The following ZDHHC20 variants were observed in gnomAD, a reference collection of about 807,000 sequenced individuals.
ZDHHC20 encodes the protein palmitoyltransferase ZDHHC20.
In ZDHHC20, 43 loss-of-function variants were observed where a neutral mutation model predicts 57.8. That is an observed-to-expected ratio of 0.74 (90% CI 0.58 to 0.96). The LOEUF is 0.96. ZDHHC20 is among the 40% of genes least tolerant of loss of function. The pLI is 0.00. For synonymous variants in ZDHHC20, 157 were observed against 153.0 expected (o/e 1.03, Z -0.19); for missense variants, 391 against 441.1 (o/e 0.89, Z 1.02).
At chr13:21,428,815 C>T (rs1403529982) in intron 1 of ZDHHC20, among the ~76,000 whole-genome samples, 1 of 152,044 alleles carries the variant, frequency 6.6e-6, no homozygotes, top group Admixed American at 6.5e-5. Context: ...CAAGATCACA[C>T]CACTGCACTC....
intron 1 of ZDHHC20, among the ~76,000 whole-genome samples, chr13:21,445,736 T>G (rs1473837788): frequency 6.6e-6 from 1 of 152,068 alleles, no homozygotes; most frequent in Non-Finnish European, 1.5e-5. Flanking sequence ...AGACCCTATT[T>G]TAGGTTCTGG....
chr13:21,411,269 T>C (rs566615275), intron 4 of ZDHHC20, among the ~76,000 whole-genome samples: 2 of 152,208 alleles, frequency 1.3e-5, no homozygotes, highest in Non-Finnish European at 2.9e-5. Flanking sequence ...TCTGCGTTGG[T>C]CTCACTGGGA....
At position 21,387,494 on chromosome 13, in the gene ZDHHC20, AT is replaced by A. The variant is rs1874768256; in HGVS notation, c.854+13del. 1.3e-5 allele frequency: 20 copies of A among 1,492,464 alleles called. No individual in the cohort carries two copies. Among genetic ancestry groups the A allele is most frequent in the Non-Finnish European group, 1.8e-5 (20 of 1,117,832 alleles). The allele number at this position is 1,492,464 out of a possible 1,614,324, so 92.5% of individuals were successfully genotyped here. A position where few individuals can be genotyped will look rare whatever the true frequency, so the allele number is the denominator to read the frequency against. Reference sequence around the variant, plus strand: ...AGATGCCATAATCTCTGAGACCCACATTTTATAAATTACCTTGAAAATATTG... The same window carrying A: ...AGATGCCATAATCTCTGAGACCCACATTTATAAATTACCTTGAAAATATTG... On this transcript the variant is annotated intron_variant, in intron 9 of 12. Coordinates refer to ENST00000400590, the MANE Select transcript of ZDHHC20 (RefSeq NM_001330059.2).
At chr13:21,395,265 A>G (rs1876572675) in intron 7 of ZDHHC20, among the ~76,000 whole-genome samples, 1 of 151,660 alleles carries the variant, frequency 6.6e-6, no homozygotes, top group African/African-American at 2.4e-5. Context: ...ACGGGGTTTC[A>G]CCATGTTAGT....
intron 1 of ZDHHC20, among the ~76,000 whole-genome samples, chr13:21,428,237 T>C (rs1345636063): frequency 1.3e-5 from 2 of 152,122 alleles, no homozygotes; most frequent in Non-Finnish European, 2.9e-5. Flanking sequence ...TGTTTTGTTT[T>C]TGAGACAGAG....
chr13:21,379,037 G>C (rs185644949), intron 11 of ZDHHC20, among the ~76,000 whole-genome samples: 234 of 152,244 alleles, frequency 1.5e-3, no homozygotes, highest in Non-Finnish European at 2.0e-3. Context: ...ATTTTTTAGA[G>C]ACGGGCCTTA....
chr13:21,383,007 A>C lies in ZDHHC20; in HGVS notation c.857T>G (p.Leu286Trp). 1.3e-6 allele frequency: 2 copies of C among 1,556,246 alleles called. No individual in the cohort carries two copies. The highest frequency in any genetic ancestry group is 1.7e-6 in the Non-Finnish European group (2 of 1,149,012). Residue 286 changes from leucine to tryptophan, a missense_variant and splice_region_variant, in exon 10 of 13, where the codon TTG (leucine) becomes TGG (tryptophan). By Grantham distance (61) the Leu-to-Trp change is moderately conservative. Coordinates refer to ENST00000400590, the MANE Select transcript of ZDHHC20 (RefSeq NM_001330059.2). ...KYWLLPIFSSLGDGCSFPTRL... is the reference protein window; with the variant it reads ...KYWLLPIFSSWGDGCSFPTRL... Reference sequence around the variant, plus strand: ...AGTTGGAAAACTGCAACCATCACCCAAGCTGCATAATGAAAAAGAGTAATA... The same window carrying C: ...AGTTGGAAAACTGCAACCATCACCCCAGCTGCATAATGAAAAAGAGTAATA...
At chr13:21,391,048 ATT>A (rs879313790) in intron 8 of ZDHHC20, among the ~76,000 whole-genome samples, 2 of 147,364 alleles carry the variant, frequency 1.4e-5, no homozygotes, top group Non-Finnish European at 1.5e-5. Flanking sequence ...TTATAGATTA[ATT>A]TTTTTTTTTT....
chr13:21,418,755 G>A (rs1192514791), intron 3 of ZDHHC20, among the ~76,000 whole-genome samples: 1 of 152,148 alleles, frequency 6.6e-6, no homozygotes, highest in Non-Finnish European at 1.5e-5. Context: ...CTCACTGCAG[G>A]CTAAACCTTC....
At chr13:21,441,716 T>C (rs1175569954) in intron 1 of ZDHHC20, among the ~76,000 whole-genome samples, 4 of 151,982 alleles carry the variant, frequency 2.6e-5, no homozygotes, top group African/African-American at 7.3e-5. Flanking sequence ...TCCACTATAT[T>C]TTCAAACTAA....
Position 21,375,051 on chromosome 13 carries a change from T to C in ZDHHC20, c.*1645A>G, listed in dbSNP as rs886679136. On this transcript the variant is annotated 3_prime_UTR_variant, in exon 13 of 13. Coordinates refer to ENST00000400590, the MANE Select transcript of ZDHHC20 (RefSeq NM_001330059.2). The stretch of plus-strand genomic sequence containing the variant: ...TGGGAGGCTGAGGCAGGAGACTCTA[T>C]TGAACCTGGAAGGCAGAGGTTGCAG... 2 of 449,168 alleles carry C rather than the reference T, an allele frequency of 4.5e-6. No homozygotes were observed. The highest frequency in any genetic ancestry group is 2.4e-5 in the Admixed American group (1 of 41,916). The allele number at this position is 449,168 out of a possible 1,614,324, so 27.8% of individuals were successfully genotyped here.
chr13:21,418,016 G>C (rs184009958), intron 3 of ZDHHC20, among the ~76,000 whole-genome samples: 25 of 152,232 alleles, frequency 1.6e-4, no homozygotes, highest in African/African-American at 6.0e-4. Flanking sequence ...GTTCTTGGTT[G>C]TCTCTAGAGC....
At chr13:21,436,359 G>T (rs139672117) in intron 1 of ZDHHC20, among the ~76,000 whole-genome samples, 201 of 152,308 alleles carry the variant, frequency 1.3e-3, no homozygotes, top group African/African-American at 4.3e-3. Context: ...CAGACATTAT[G>T]TTTTTTACAA....
intron 1 of ZDHHC20, among the ~76,000 whole-genome samples, chr13:21,428,366 G>A (rs1295686889): frequency 6.6e-6 from 1 of 151,590 alleles, no homozygotes; most frequent in Non-Finnish European, 1.5e-5. Context: ...GATTACAGGT[G>A]CACGCCACCA....
chr13:21,442,470 C>T (rs1312710425), intron 1 of ZDHHC20, among the ~76,000 whole-genome samples: 1 of 152,152 alleles, frequency 6.6e-6, no homozygotes, highest in Non-Finnish European at 1.5e-5. Context: ...AAACTTTTGA[C>T]GTGGCCAGGC....
rs561981573 is a variant in ZDHHC20, at chr13:21,439,120, G to A, written c.119-13442C>T. Among the ~76,000 whole-genome samples the A allele has an allele frequency of 7.9e-5, 12 of 152,256 alleles. No individual in the cohort carries two copies. In the South Asian group the frequency reaches 2.5e-3, roughly 32 times the overall value. On this transcript the variant is annotated intron_variant, in intron 1 of 12. Transcript: ENST00000400590. Reference sequence around the variant, plus strand: ...ATTGTGGTGGTATGAAATCAAACCTGCAATTTTCCCACCAAGGTATGCCTG... The same window carrying A: ...ATTGTGGTGGTATGAAATCAAACCTACAATTTTCCCACCAAGGTATGCCTG...
intron 3 of ZDHHC20, among the ~76,000 whole-genome samples, chr13:21,418,524 C>T (rs1295960191): frequency 1.3e-5 from 2 of 150,352 alleles, no homozygotes; most frequent in Non-Finnish European, 2.9e-5. Context: ...TTATAGCTAT[C>T]CTATGAGGTG....
Position 21,440,068 on chromosome 13 carries a change from G to GAAAA in ZDHHC20, c.119-14394_119-14391dup, listed in dbSNP as rs376263181. Among the ~76,000 whole-genome samples, 22 of 89,772 alleles carry GAAAA rather than the reference G, an allele frequency of 2.5e-4. 2 individuals are homozygous for GAAAA. Among genetic ancestry groups the GAAAA allele is most frequent in the African/African-American group, 7.3e-4 (16 of 21,822 alleles). 58.9% of individuals were successfully genotyped at this position (89,772 alleles called of 152,430 possible). A position where few individuals can be genotyped will look rare whatever the true frequency, so the allele number is the denominator to read the frequency against. ...GGCGACAGAGTAAGACTGTTTCTCAGAAAAAAAAAAAAAAAAAAAAAAAAA... is the reference window on the plus strand; with the variant it reads ...GGCGACAGAGTAAGACTGTTTCTCAGAAAAAAAAAAAAAAAAAAAAAAAAAAAAA... On this transcript the variant is annotated intron_variant, in intron 1 of 12. Transcript: ENST00000400590.
At chr13:21,383,524 A>G (rs1470017618) in intron 9 of ZDHHC20, among the ~76,000 whole-genome samples, 2 of 152,166 alleles carry the variant, frequency 1.3e-5, no homozygotes, top group Admixed American at 1.3e-4. Flanking sequence ...TAATACCTCT[A>G]TTGCAGACAT....
Sources: gnomAD v4.1 joint callset for allele counts (sites outside exome capture counted in the v4.1 genomes callset) on GRCh38, gnomAD v4.1.1 for gene constraint, MANE v1.5 for transcripts, NCBI Gene and HGNC (gene_info 2026-07-23, HGNC 2026-07-21) for gene names.